EXOC4: variants seen among roughly 807,000 people sequenced by gnomAD.
EXOC4 encodes exocyst complex component 4.
A neutral mutation model predicts 107.2 loss-of-function variants in EXOC4; 71 were observed. The ratio of observed to expected loss-of-function variants is 0.66; its 90% confidence interval spans 0.55 to 0.81. The LOEUF (loss-of-function observed/expected upper bound fraction) is 0.81. Ranked by LOEUF, EXOC4 falls within the 30% of genes least tolerant of loss-of-function variation. EXOC4 has a pLI of 0.00. For missense variants in EXOC4, 1,108 were observed against 1,189.6 expected (o/e 0.93, Z 1.01); for synonymous variants, 456 against 441.2 (o/e 1.03, Z -0.42).
At chr7:133,502,355 C>T (rs1012766765) in intron 9 of EXOC4, among the ~76,000 whole-genome samples, 1 of 152,102 alleles carries the variant, frequency 6.6e-6, no homozygotes, top group Admixed American at 6.6e-5. Flanking sequence ...TTTAGAAGCA[C>T]AGCAATATTG....
chr7:133,600,027 G>C (rs548963040), intron 9 of EXOC4, among the ~76,000 whole-genome samples: 1 of 150,362 alleles, frequency 6.7e-6, no homozygotes, highest in Non-Finnish European at 1.5e-5. Context: ...CAGCCTCCCA[G>C]GTAGCTGGGA....
chr7:133,419,216 TTTGGGTGGTTATGGAC>T (rs1797547413), intron 7 of EXOC4, among the ~76,000 whole-genome samples: 1 of 152,074 alleles, frequency 6.6e-6, no homozygotes, highest in Non-Finnish European at 1.5e-5. Flanking sequence ...TAATGAGGAT[TTTGGGTGGTTATGGAC>T]TTGTAGCACC....
intron 13 of EXOC4, among the ~76,000 whole-genome samples, chr7:133,922,883 A>G (rs948276238): frequency 2.0e-5 from 3 of 151,296 alleles, no homozygotes; most frequent in Admixed American, 6.6e-5. Flanking sequence ...GTGTGTTTCT[A>G]TGTGTGTGTG....
intron 7 of EXOC4, among the ~76,000 whole-genome samples, chr7:133,427,791 A>T (rs1797761832): frequency 1.3e-5 from 2 of 152,186 alleles, no homozygotes; most frequent in African/African-American, 4.8e-5. Flanking sequence ...AGGGGGTGGT[A>T]CCACACACAC....
intron 14 of EXOC4, among the ~76,000 whole-genome samples, chr7:133,991,386 T>C (rs1374990515): frequency 6.6e-6 from 1 of 152,180 alleles, no homozygotes; most frequent in African/African-American, 2.4e-5. Flanking sequence ...ATAATTTGTT[T>C]CATTATATAT....
chr7:133,743,649 G>C (rs1323004952), intron 10 of EXOC4, among the ~76,000 whole-genome samples: 4 of 100,978 alleles, frequency 4.0e-5, no homozygotes, highest in Non-Finnish European at 8.4e-5. Flanking sequence ...CATGAAATTA[G>C]TCAAAACCCC....
chr7:133,646,053 A>G (rs1802982289), intron 10 of EXOC4, among the ~76,000 whole-genome samples: 1 of 118,580 alleles, frequency 8.4e-6, no homozygotes, highest in South Asian at 2.4e-4. Flanking sequence ...CCTCTCCCCA[A>G]ACAGCATACA....
At chr7:133,715,451 G>GCCA (rs1258554843) in intron 10 of EXOC4, among the ~76,000 whole-genome samples, 1 of 151,264 alleles carries the variant, frequency 6.6e-6, no homozygotes, top group Non-Finnish European at 1.5e-5. Context: ...CCTCAAAGTA[G>GCCA]CCATTAAATC....
chr7:133,595,847 T>C (rs1352849533), intron 9 of EXOC4, among the ~76,000 whole-genome samples: 1 of 152,212 alleles, frequency 6.6e-6, no homozygotes, highest in South Asian at 2.1e-4. Context: ...AAGAAGCTGA[T>C]GGAAAGGCTC....
intron 7 of EXOC4, among the ~76,000 whole-genome samples, chr7:133,406,789 T>C (rs928372434): frequency 6.6e-6 from 1 of 152,248 alleles, no homozygotes; most frequent in African/African-American, 2.4e-5. Context: ...TAAAAATGAA[T>C]GTAACTGTGG....
chr7:133,477,004 A>T (rs1178627522), intron 8 of EXOC4, among the ~76,000 whole-genome samples: 1 of 152,208 alleles, frequency 6.6e-6, no homozygotes, highest in Non-Finnish European at 1.5e-5. Context: ...TTTAAAAAAC[A>T]TATAGACTTT....
At chr7:133,360,128 C>T (rs1412887532) in intron 6 of EXOC4, among the ~76,000 whole-genome samples, 1 of 152,216 alleles carries the variant, frequency 6.6e-6, no homozygotes, top group Non-Finnish European at 1.5e-5. Flanking sequence ...GGCCTGAAGC[C>T]TCTGCATTTC....
intron 10 of EXOC4, among the ~76,000 whole-genome samples, chr7:133,641,939 T>C (rs1802866202): frequency 6.6e-6 from 1 of 152,174 alleles, no homozygotes; most frequent in African/African-American, 2.4e-5. Context: ...GATACGAGGA[T>C]TTCACTGAAG....
intron 10 of EXOC4, among the ~76,000 whole-genome samples, chr7:133,706,162 A>G (rs983590225): frequency 1.3e-5 from 2 of 152,166 alleles, no homozygotes; most frequent in African/African-American, 4.8e-5. Context: ...GATGACCACC[A>G]TGTGTATGTG....
chr7:133,255,392 G>A (rs1239438143), intron 1 of EXOC4, among the ~76,000 whole-genome samples: 1 of 152,094 alleles, frequency 6.6e-6, no homozygotes, highest in South Asian at 2.1e-4. Flanking sequence ...GGCCAGGATG[G>A]TCTCGATCGC....
intron 10 of EXOC4, among the ~76,000 whole-genome samples, chr7:133,712,439 C>CAAAAAAAAAA (rs58629398): frequency 3.3e-5 from 1 of 30,196 alleles, no homozygotes; most frequent in African/African-American, 1.4e-4. Context: ...AACTCTGTCT[C>CAAAAAAAAAA]AAAAAAAAAA....
intron 1 of EXOC4, among the ~76,000 whole-genome samples, chr7:133,269,459 C>A (rs1793813510): frequency 6.6e-6 from 1 of 152,116 alleles, no homozygotes; most frequent in Non-Finnish European, 1.5e-5. Flanking sequence ...TTATACTAGA[C>A]TGCTTTGAGG....
At chr7:133,901,602 A>G (rs766780139) in intron 12 of EXOC4, among the ~76,000 whole-genome samples, 15 of 152,214 alleles carry the variant, frequency 9.9e-5, no homozygotes, top group Non-Finnish European at 1.5e-4. Context: ...CGTTATTTCA[A>G]AAATTGTCAA....
chr7:133,297,395 G>T (rs1295220898), intron 3 of EXOC4, among the ~76,000 whole-genome samples: 2 of 152,098 alleles, frequency 1.3e-5, no homozygotes, highest in African/African-American at 4.8e-5. Flanking sequence ...GGGATTTAAT[G>T]GATTGAAATT....
Sources: gnomAD v4.1 joint callset for allele counts (sites outside exome capture counted in the v4.1 genomes callset) on GRCh38, gnomAD v4.1.1 for gene constraint, MANE v1.5 for transcripts, NCBI Gene and HGNC (gene_info 2026-07-23, HGNC 2026-07-21) for gene names.